Variants in PCDHA1 observed in about 807,000 individuals in gnomAD.
The protein encoded by PCDHA1 is protocadherin alpha 1.
PCDHA1 carries 42 observed loss-of-function variants against 61.3 expected under a neutral mutation model. That is an observed-to-expected ratio of 0.69 (90% CI 0.54 to 0.89). The LOEUF (loss-of-function observed/expected upper bound fraction) is 0.89. PCDHA1 is among the 40% of genes least tolerant of loss of function. The pLI, the probability that PCDHA1 is intolerant of heterozygous loss-of-function variation, is 0.00. For missense variants in PCDHA1, 1,256 were observed against 1,235.3 expected (o/e 1.02, Z -0.25); for synonymous variants, 610 against 553.8 (o/e 1.10, Z -1.43).
intron 1 of PCDHA1, among the ~76,000 whole-genome samples, chr5:140,936,248 G>A (rs2090860399): frequency 6.6e-6 from 1 of 152,086 alleles, no homozygotes; most frequent in Admixed American, 6.5e-5. Context: ...AACATATCCT[G>A]CTTCAAGTCA....
rs570244920 is a variant in PCDHA1, at chr5:140,897,293, A to G, written c.2395-81656A>G. Reference sequence around the variant, plus strand: ...GGTGTGCTGCACCCATTAACTCGTCATTTAGCATTAGGTATATCTCCTAAA... The same window carrying G: ...GGTGTGCTGCACCCATTAACTCGTCGTTTAGCATTAGGTATATCTCCTAAA... On this transcript the variant is annotated intron_variant, in intron 1 of 3. Transcript: ENST00000504120. Among the ~76,000 whole-genome samples the G allele has an allele frequency of 1.2e-4, 18 of 149,820 alleles. No homozygotes were observed. In the South Asian group the frequency reaches 3.5e-3, roughly 29 times the overall value.
intron 1 of PCDHA1, among the ~76,000 whole-genome samples, chr5:140,937,150 G>A (rs2153631833): frequency 6.7e-6 from 1 of 149,812 alleles, no homozygotes; most frequent in East Asian, 2.0e-4. Context: ...CCATTCTCCT[G>A]CCTCAGCCTC....
Position 140,786,580 on chromosome 5 carries a change from A to G in PCDHA1, c.290A>G (p.Gln97Arg), listed in dbSNP as rs1368866587. The G allele has an allele frequency of 2.5e-6, 4 of 1,614,132 alleles. No individual in the cohort carries two copies. The African/African-American group carries it at 4.0e-5, about 16-fold the overall frequency. The change falls in exon 1 of 4, where the codon CAG becomes CGG. Residue 97 changes from glutamine to arginine, a missense_variant. Gln to Arg is a conservative substitution (Grantham distance 43). Coordinates refer to ENST00000504120, the MANE Select transcript of PCDHA1 (RefSeq NM_018900.4). ...NSRIDREELCQWSAECSIHLE... is the reference protein window; with the variant it reads ...NSRIDREELCRWSAECSIHLE... ...CGGATCGATCGCGAGGAGCTGTGCC[A>G]GTGGAGCGCGGAGTGCAGCATCCAC...
At chr5:140,878,451 T>A (rs2057595888) in intron 1 of PCDHA1, among the ~76,000 whole-genome samples, 1 of 152,250 alleles carries the variant, frequency 6.6e-6, no homozygotes, top group Non-Finnish European at 1.5e-5. Context: ...CTTATTTACA[T>A]GAAATATAAT....
rs1289413107 is a variant in PCDHA1 at position 140,788,465 on chromosome 5, G to T, written c.2175G>T (p.Val725=). Reference sequence around the variant, plus strand: ...TGTACACGGCGCTGCGGTGCTCAGTGCCGCCCACTGAGGGTGCGTATGTGC... The same window carrying T: ...TGTACACGGCGCTGCGGTGCTCAGTTCCGCCCACTGAGGGTGCGTATGTGC... ...LLLYTALRCS[V]PPTEGAYVPG... is the part of the protein sequence containing the mutation. The change falls in exon 1 of 4, where the codon GTG becomes GTT. Residue 725 remains valine, a synonymous_variant. Coordinates refer to ENST00000504120, the MANE Select transcript of PCDHA1 (RefSeq NM_018900.4). The T allele has an allele frequency of 6.2e-7, 1 of 1,614,150 alleles. No individual in the cohort carries two copies.
chr5:140,863,422 G>T (rs782158453), intron 1 of PCDHA1: 6 of 689,158 alleles, frequency 8.7e-6, no homozygotes, highest in Middle Eastern at 5.8e-4. Flanking sequence ...GTACCGCAGC[G>T]TAGTGGGATC....
In PCDHA1 at chr5:140,786,332, G is replaced by T; in HGVS notation, c.42G>T (p.Leu14=). 1 of 1,613,332 alleles carries T rather than the reference G, an allele frequency of 6.2e-7. No homozygotes were observed. Among genetic ancestry groups the T allele is most frequent in the Non-Finnish European group, 8.5e-7 (1 of 1,179,654 alleles). ...GAGGGGGCCTGGGAGCCCGGGATCTGCTTCTTTGGCTTCTGCTCCTCGCAG... is the reference window on the plus strand; with the variant it reads ...GAGGGGGCCTGGGAGCCCGGGATCTTCTTCTTTGGCTTCTGCTCCTCGCAG... ...SRRGGLGARD[L]LLWLLLLAAW... The change falls in exon 1 of 4, where the codon CTG becomes CTT. Residue 14 remains leucine (L), a synonymous_variant. Coordinates refer to ENST00000504120, the MANE Select transcript of PCDHA1 (RefSeq NM_018900.4).
At chr5:140,803,000 A>C (rs782428262) in intron 1 of PCDHA1, 14 of 1,613,894 alleles carry the variant, frequency 8.7e-6, no homozygotes, top group Non-Finnish European at 2.5e-6. Flanking sequence ...ATGCAGACTC[A>C]GGCTACAACG....
chr5:140,982,678 C>T (rs781968397), intron 3 of PCDHA1, 115 bp downstream of exon 3: 29 of 1,438,778 alleles, frequency 2.0e-5, no homozygotes, highest in Non-Finnish European at 2.6e-5. Context: ...TTTGTTATTC[C>T]CTTTTTTCCA....
At chr5:140,954,453 A>G (rs1489783264) in intron 1 of PCDHA1, among the ~76,000 whole-genome samples, 1 of 152,142 alleles carries the variant, frequency 6.6e-6, no homozygotes, top group East Asian at 1.9e-4. Flanking sequence ...ACTTGTTAAT[A>G]ATTGCCATTC....
intron 1 of PCDHA1, 146 bp from the exon 2 acceptor site, chr5:140,978,803 C>A: frequency 2.0e-6 from 3 of 1,485,240 alleles, no homozygotes; most frequent in Middle Eastern, 1.8e-4. Context: ...ATGTAGATAT[C>A]ATCATAGAGT....
rs1581309045 is a variant in PCDHA1, at chr5:140,853,255, T to G, written c.2394+64571T>G. On this transcript the variant is annotated intron_variant, in intron 1 of 3. Transcript: ENST00000504120. Reference sequence around the variant, plus strand: ...GTCCTTCATATTAATCTCTATTCTCTCTCAGAGTACAAGCTCTCATCATAT... The same window carrying G: ...GTCCTTCATATTAATCTCTATTCTCGCTCAGAGTACAAGCTCTCATCATAT... 7 of 974,424 alleles carry G rather than the reference T, an allele frequency of 7.2e-6. 1 individual carries two copies. Among genetic ancestry groups the G allele is most frequent in the Non-Finnish European group, 8.7e-6 (7 of 807,532 alleles). The allele number at this position is 974,424 out of a possible 1,614,324, so 60.4% of individuals were successfully genotyped here. A position where few individuals can be genotyped will look rare whatever the true frequency, so the allele number is the denominator to read the frequency against.
At chr5:140,795,056 T>TC in intron 1 of PCDHA1, 1 of 1,613,860 alleles carries the variant, frequency 6.2e-7, no homozygotes, top group Non-Finnish European at 8.5e-7. Flanking sequence ...AGCGGCCAGC[T>TC]CCGCTACTCC....
intron 3 of PCDHA1, among the ~76,000 whole-genome samples, chr5:140,990,165 G>A (rs2097378132): frequency 6.6e-6 from 1 of 152,126 alleles, no homozygotes; most frequent in African/African-American, 2.4e-5. Flanking sequence ...GTTAGGGTAT[G>A]AAAAGGTGAC....
rs1456714222 is a variant in PCDHA1 at position 140,825,839 on chromosome 5, A to G, written c.2394+37155A>G. 5.2e-5 allele frequency: 8 copies of G among 152,498 alleles called. No individual in the cohort carries two copies. The East Asian group carries it at 1.5e-3, about 29-fold the overall frequency. 9.4% of individuals were successfully genotyped at this position (152,498 alleles called of 1,614,324 possible). On this transcript the variant is annotated intron_variant, in intron 1 of 3. Transcript: ENST00000504120. ...ACTTTTAGATTAAAAAAATAAATAT[A>G]CCATGATACAAACTCCCCTCTTGAG...
chr5:140,801,389 C>T, intron 1 of PCDHA1: 1 of 1,613,606 alleles, frequency 6.2e-7, no homozygotes, highest in Non-Finnish European at 8.5e-7. Flanking sequence ...CGCGCCTGTT[C>T]CGGGTGGCGT....
intron 1 of PCDHA1, among the ~76,000 whole-genome samples, chr5:140,886,356 T>C (rs1457178977): frequency 1.3e-5 from 2 of 152,194 alleles, no homozygotes; most frequent in South Asian, 2.1e-4. Flanking sequence ...GTTTGTTACA[T>C]AGGTGTACAT....
intron 1 of PCDHA1, chr5:140,850,431 C>G: frequency 6.3e-7 from 1 of 1,597,912 alleles, no homozygotes; most frequent in Non-Finnish European, 8.6e-7. Flanking sequence ...ACCGCGCCAG[C>G]GCCTACTGGT....
At chr5:140,788,833 G>A in intron 1 of PCDHA1, 149 bp downstream of exon 1, 1 of 1,401,862 alleles carries the variant, frequency 7.1e-7, no homozygotes, top group Non-Finnish European at 9.3e-7. Context: ...TCCTATTAAT[G>A]GCAGTTTTGT....
Sources: gnomAD v4.1 joint callset for allele counts (sites outside exome capture counted in the v4.1 genomes callset) on GRCh38, gnomAD v4.1.1 for gene constraint, MANE v1.5 for transcripts, NCBI Gene and HGNC (gene_info 2026-07-23, HGNC 2026-07-21) for gene names.